HDAC9: variants seen among roughly 807,000 people sequenced by gnomAD.
The protein encoded by HDAC9 is histone deacetylase 9, also known as MEF-2 interacting transcription repressor (MITR) protein.
Under a neutral mutation model 139.4 loss-of-function variants are expected in HDAC9, and 41 were observed. That is an observed-to-expected ratio of 0.29 (90% CI 0.23 to 0.38). The LOEUF (loss-of-function observed/expected upper bound fraction) is 0.38, where lower values mean the gene tolerates loss of function less well. Ranked by LOEUF, HDAC9 falls within the 10% of genes least tolerant of loss-of-function variation. The pLI, the probability that HDAC9 is intolerant of heterozygous loss-of-function variation, is 1.00. For synonymous variants in HDAC9, 517 were observed against 476.2 expected, an observed-to-expected ratio of 1.09 and a Z score of -1.12; for missense variants, 1,147 against 1,297.0, an observed-to-expected ratio of 0.88 and a Z score of 1.78.
rs185405185 is a variant in HDAC9 at position 18,806,082 on chromosome 7, G to A, written c.2322+12630G>A. Among the ~76,000 whole-genome samples, 633 of 152,202 alleles carry A rather than the reference G, an allele frequency of 4.2e-3. 3 individuals carry two copies. Among genetic ancestry groups the A allele is most frequent in the South Asian group, 0.012 (58 of 4,820 alleles). The stretch of plus-strand genomic sequence containing the variant: ...ACTGGACTTTTTAACATCTAAAAAT[G>A]AGACTATTTCTATAGTAAAAGTAAC... On this transcript the variant is annotated intron_variant, in intron 17 of 25. Transcript: ENST00000686413.
intron 6 of HDAC9, among the ~76,000 whole-genome samples, chr7:18,604,278 A>G (rs575156244): frequency 6.6e-6 from 1 of 152,082 alleles, no homozygotes; most frequent in South Asian, 2.1e-4. Flanking sequence ...TTCTTAGAGT[A>G]TTGGGGAATT....
rs563953643 is a variant in HDAC9, at chr7:18,722,911, T to A, written c.1732-4669T>A. Among the ~76,000 whole-genome samples the A allele has an allele frequency of 3.3e-5, 5 of 152,236 alleles. No individual in the cohort carries two copies. The South Asian group carries it at 8.3e-4, about 25-fold the overall frequency. ...TAATAAAGTGTTTGGAAGATTTAAC[T>A]GTTTAGTTTAAATAACATTTACCAT... On this transcript the variant is annotated intron_variant, in intron 12 of 25. Coordinates refer to ENST00000686413, the MANE Select transcript of HDAC9 (RefSeq NM_178425.4).
intron 1 of HDAC9, among the ~76,000 whole-genome samples, chr7:18,371,891 C>G (rs1362312555): frequency 1.3e-5 from 2 of 152,174 alleles, no homozygotes; most frequent in Non-Finnish European, 2.9e-5. Flanking sequence ...GGTCATATGT[C>G]TTTCCTCAGT....
intron 24 of HDAC9, among the ~76,000 whole-genome samples, chr7:18,954,860 T>C (rs557887529): frequency 6.6e-6 from 1 of 152,184 alleles, no homozygotes; most frequent in African/African-American, 2.4e-5. Flanking sequence ...TTTGCTACTG[T>C]CTTGTAGAAG....
chr7:18,938,438 AC>A (rs1746345413), intron 23 of HDAC9, among the ~76,000 whole-genome samples: 1 of 151,914 alleles, frequency 6.6e-6, no homozygotes, highest in Admixed American at 6.6e-5. Context: ...TACTAAAAAT[AC>A]AAAAAATTAG....
intron 2 of HDAC9, among the ~76,000 whole-genome samples, chr7:18,169,681 G>T (rs774871792): frequency 5.9e-5 from 9 of 151,922 alleles, no homozygotes; most frequent in Non-Finnish European, 1.0e-4. Context: ...TTATTGTTCA[G>T]TTCCCACCTA....
Position 18,786,764 on chromosome 7 carries a change from T to G in HDAC9, c.2215-6581T>G, listed in dbSNP as rs559699802. On this transcript the variant is annotated intron_variant, in intron 16 of 25. Coordinates refer to ENST00000686413, the MANE Select transcript of HDAC9 (RefSeq NM_178425.4). ...AGCTTTCTTTCCTTCCTTTTCTTTT[T>G]TCTCTCTTTCTTTCTTTTCTTTCTT... Among the ~76,000 whole-genome samples, 3 of 138,188 alleles carry G rather than the reference T, an allele frequency of 2.2e-5. No homozygotes were observed. In the East Asian group the frequency reaches 6.0e-4, roughly 28 times the overall value. The allele number at this position is 138,188 out of a possible 152,430, so 90.7% of individuals were successfully genotyped here.
chr7:18,963,331 T>C (rs1585419098), intron 24 of HDAC9, among the ~76,000 whole-genome samples: 1 of 152,316 alleles, frequency 6.6e-6, no homozygotes, highest in South Asian at 2.1e-4. Context: ...TGTCCACTCC[T>C]GGGTTCAGGA....
intron 1 of HDAC9, among the ~76,000 whole-genome samples, chr7:18,361,642 A>T (rs967783014): frequency 5.3e-5 from 8 of 152,172 alleles, no homozygotes; most frequent in African/African-American, 1.9e-4. Context: ...AATAGGCATA[A>T]AATTTTACTG....
chr7:18,273,955 A>G (rs1053761034), intron 2 of HDAC9, among the ~76,000 whole-genome samples: 1 of 152,174 alleles, frequency 6.6e-6, no homozygotes, highest in African/African-American at 2.4e-5. Flanking sequence ...GAAGATACGG[A>G]GCAGTAGGAA....
At chr7:18,891,921 T>C (rs1800717304) in intron 22 of HDAC9, among the ~76,000 whole-genome samples, 1 of 152,194 alleles carries the variant, frequency 6.6e-6, no homozygotes, top group Admixed American at 6.5e-5. Context: ...CTTATCTATT[T>C]GATGACACCC....
intron 1 of HDAC9, among the ~76,000 whole-genome samples, chr7:18,140,238 C>T (rs78762705): frequency 0.01 from 1,555 of 152,256 alleles, 13 homozygotes; most frequent in Middle Eastern, 0.041. Context: ...AAAACAGTGA[C>T]AGCATATTAA....
intron 2 of HDAC9, among the ~76,000 whole-genome samples, chr7:18,500,829 A>G (rs1563065734): frequency 6.6e-6 from 1 of 152,248 alleles, no homozygotes; most frequent in East Asian, 1.9e-4. Context: ...AGCACCTTAC[A>G]TAAATTTTAT....
At chr7:18,729,285 A>G (rs1463219851) in intron 13 of HDAC9, among the ~76,000 whole-genome samples, 2 of 151,436 alleles carry the variant, frequency 1.3e-5, no homozygotes, top group African/African-American at 4.8e-5. Flanking sequence ...TTTCCTTAAT[A>G]TTATAATAAT....
intron 13 of HDAC9, among the ~76,000 whole-genome samples, chr7:18,735,868 A>G (rs1196456370): frequency 1.3e-5 from 2 of 152,240 alleles, no homozygotes; most frequent in Non-Finnish European, 2.9e-5. Context: ...AACCATGAGC[A>G]TAGAAAGGTT....
intron 24 of HDAC9, 33 bp downstream of exon 24, chr7:18,954,263 G>A: frequency 1.6e-6 from 2 of 1,283,846 alleles, no homozygotes; most frequent in South Asian, 2.6e-5. Flanking sequence ...AAAATTCTAA[G>A]CAGGTAAAAC....
At chr7:18,529,890 TG>T (rs1278313828) in intron 2 of HDAC9, among the ~76,000 whole-genome samples, 1 of 152,236 alleles carries the variant, frequency 6.6e-6, no homozygotes, top group African/African-American at 2.4e-5. Context: ...CATTTTGCTC[TG>T]CTTGTCCCAT....
chr7:18,861,855 T>TAC (rs956007692), intron 21 of HDAC9, among the ~76,000 whole-genome samples: 10 of 152,230 alleles, frequency 6.6e-5, no homozygotes, highest in Admixed American at 3.9e-4. Context: ...TATGTGAGTG[T>TAC]ACACACACAC....
intron 1 of HDAC9, among the ~76,000 whole-genome samples, chr7:18,425,380 C>A (rs1304810906): frequency 6.6e-6 from 1 of 152,146 alleles, no homozygotes; most frequent in Non-Finnish European, 1.5e-5. Flanking sequence ...ACTCATGTCA[C>A]CATGAAAGAG....
Sources: allele counts gnomAD v4.1 joint callset (sites outside exome capture counted in the v4.1 genomes callset), GRCh38; gene constraint gnomAD v4.1.1; transcripts MANE v1.5; gene names NCBI Gene and HGNC (gene_info 2026-07-23, HGNC 2026-07-21).